Variants in SH3GL2 observed in about 807,000 individuals in gnomAD.
SH3GL2 encodes SH3 domain containing GRB2 like 2, endophilin A1.
A neutral mutation model predicts 46.0 loss-of-function variants in SH3GL2; 24 were observed. The observed-to-expected ratio is 0.52, with a 90% CI of 0.38 to 0.73. The LOEUF (loss-of-function observed/expected upper bound fraction) is 0.73, where lower values mean the gene tolerates loss of function less well. Ranked by LOEUF, SH3GL2 falls within the 30% of genes least tolerant of loss-of-function variation. SH3GL2 has a pLI of 0.00. For synonymous variants in SH3GL2, 196 were observed against 147.1 expected (o/e 1.33, Z -2.40); for missense variants, 413 against 424.2 (o/e 0.97, Z 0.23).
intron 1 of SH3GL2, among the ~76,000 whole-genome samples, chr9:17,656,285 TAATA>T (rs1233699049): frequency 6.6e-6 from 1 of 152,186 alleles, no homozygotes; most frequent in Non-Finnish European, 1.5e-5. Context: ...GAGGATGTTT[TAATA>T]TTCTTTAATA....
intron 5 of SH3GL2, among the ~76,000 whole-genome samples, chr9:17,788,819 G>A (rs977074464): frequency 2.0e-5 from 3 of 152,132 alleles, no homozygotes; most frequent in Non-Finnish European, 4.4e-5. Flanking sequence ...GTCAGCTGGG[G>A]CAAGTGTTAA....
At chr9:17,708,723 GA>G in intron 1 of SH3GL2, among the ~76,000 whole-genome samples, 1 of 151,914 alleles carries the variant, frequency 6.6e-6, no homozygotes, top group Non-Finnish European at 1.5e-5. Flanking sequence ...GTCCACTTCT[GA>G]GATTAGTTTA....
intron 1 of SH3GL2, among the ~76,000 whole-genome samples, chr9:17,643,215 T>G (rs1819728520): frequency 6.6e-6 from 1 of 152,190 alleles, no homozygotes; most frequent in Non-Finnish European, 1.5e-5. Context: ...ATAGGAAAGC[T>G]TGTGATTTTT....
intron 1 of SH3GL2, among the ~76,000 whole-genome samples, chr9:17,628,053 T>G (rs147532772): frequency 6.6e-6 from 1 of 152,174 alleles, no homozygotes; most frequent in Non-Finnish European, 1.5e-5. Context: ...TGATTTCTCT[T>G]TTTTGCAGTG....
chr9:17,717,353 A>C (rs554440340), intron 1 of SH3GL2, among the ~76,000 whole-genome samples: 1 of 152,184 alleles, frequency 6.6e-6, no homozygotes, highest in Admixed American at 6.5e-5. Flanking sequence ...GTCTTTTACT[A>C]ACCTCCATCC....
chr9:17,645,973 A>G (rs1425060619), intron 1 of SH3GL2, among the ~76,000 whole-genome samples: 1 of 152,078 alleles, frequency 6.6e-6, no homozygotes, highest in African/African-American at 2.4e-5. Flanking sequence ...ATGTCTTCCA[A>G]CTTGGTTCCG....
chr9:17,679,395 C>T (rs201822824), intron 1 of SH3GL2, among the ~76,000 whole-genome samples: 6 of 152,014 alleles, frequency 3.9e-5, no homozygotes, highest in Admixed American at 2.6e-4. Context: ...TTTGAAGCAA[C>T]TTTGAATGGG....
intron 1 of SH3GL2, among the ~76,000 whole-genome samples, chr9:17,661,187 A>G (rs1302810543): frequency 1.3e-5 from 2 of 152,020 alleles, no homozygotes; most frequent in African/African-American, 4.8e-5. Flanking sequence ...AAACAAAAAC[A>G]AAATTAATGT....
chr9:17,735,889 T>A, intron 1 of SH3GL2: 1 of 228,304 alleles, frequency 4.4e-6, no homozygotes, highest in Non-Finnish European at 7.3e-6. Flanking sequence ...GTTACATACT[T>A]ATACCCTGTG....
intron 3 of SH3GL2, among the ~76,000 whole-genome samples, chr9:17,771,484 C>T (rs1328448501): frequency 9.9e-5 from 15 of 152,080 alleles, no homozygotes; most frequent in African/African-American, 3.6e-4. Flanking sequence ...ACTGCAGGAC[C>T]CTTCTTACAA....
At chr9:17,780,344 C>T in intron 3 of SH3GL2, among the ~76,000 whole-genome samples, 1 of 151,862 alleles carries the variant, frequency 6.6e-6, no homozygotes, top group South Asian at 2.1e-4. Flanking sequence ...TCTATTTGTC[C>T]TACTTCTTTC....
chr9:17,684,320 T>G (rs1820848861), intron 1 of SH3GL2, among the ~76,000 whole-genome samples: 1 of 152,068 alleles, frequency 6.6e-6, no homozygotes, highest in Admixed American at 6.6e-5. Flanking sequence ...TGATACCTCC[T>G]TGGTAGAATT....
At chr9:17,639,683 C>T (rs1819627450) in intron 1 of SH3GL2, among the ~76,000 whole-genome samples, 1 of 152,104 alleles carries the variant, frequency 6.6e-6, no homozygotes, top group South Asian at 2.1e-4. Context: ...AGAACATGTT[C>T]ATACAGACTT....
intron 1 of SH3GL2, among the ~76,000 whole-genome samples, chr9:17,610,765 A>G (rs1818847363): frequency 6.6e-6 from 1 of 152,126 alleles, no homozygotes; most frequent in Non-Finnish European, 1.5e-5. Flanking sequence ...CTTCTCCTAT[A>G]AACTAGCTTG....
chr9:17,740,385 T>C (rs1200794260), intron 1 of SH3GL2, among the ~76,000 whole-genome samples: 1 of 152,114 alleles, frequency 6.6e-6, no homozygotes, highest in African/African-American at 2.4e-5. Flanking sequence ...ACAAGATCTA[T>C]GTATATTTAG....
intron 1 of SH3GL2, among the ~76,000 whole-genome samples, chr9:17,697,938 G>A (rs914617333): frequency 1.6e-4 from 24 of 152,310 alleles, no homozygotes; most frequent in African/African-American, 5.1e-4. Context: ...CTGGGAGCTA[G>A]AAAATGGGCT....
At chr9:17,747,029 G>C (rs754671237) in intron 1 of SH3GL2, 37 bp from the exon 2 acceptor site, 1 of 1,394,702 alleles carries the variant, frequency 7.2e-7, no homozygotes, top group African/African-American at 1.4e-5. Flanking sequence ...TAAAGAAACT[G>C]TTTATAATAA....
rs374023440 is a variant in SH3GL2 at position 17,670,964 on chromosome 9, A to T, written c.46-76102A>T. Among the ~76,000 whole-genome samples, 22 of 152,316 alleles carry T rather than the reference A, an allele frequency of 1.4e-4. No individual in the cohort carries two copies. The East Asian group carries it at 1.7e-3, about 12-fold the overall frequency. ...ATTTGCATTTCTGAAGCACCAGGTGATGCTGAGGCTGCTGGCCTGGGACCA... is the reference window on the plus strand; with the variant it reads ...ATTTGCATTTCTGAAGCACCAGGTGTTGCTGAGGCTGCTGGCCTGGGACCA... On this transcript the variant is annotated intron_variant, in intron 1 of 8. Transcript: ENST00000380607.
Position 17,579,117 on chromosome 9 carries a change from G to A in SH3GL2, c.-126G>A. The A allele has an allele frequency of 1.8e-6, 1 of 560,852 alleles. No homozygotes were observed. 34.7% of individuals were successfully genotyped at this position (560,852 alleles called of 1,614,324 possible). On this transcript the variant is annotated 5_prime_UTR_variant, in exon 1 of 9. Coordinates refer to ENST00000380607, the MANE Select transcript of SH3GL2 (RefSeq NM_003026.5). The stretch of plus-strand genomic sequence containing the variant: ...GTGTCCCGCTAGGCTCCGCGCCCTC[G>A]CGCCCATAGCCCCGGCGGCGGCACG...
Sources: gnomAD v4.1 joint callset for allele counts (sites outside exome capture counted in the v4.1 genomes callset) on GRCh38, gnomAD v4.1.1 for gene constraint, MANE v1.5 for transcripts, NCBI Gene and HGNC (gene_info 2026-07-23, HGNC 2026-07-21) for gene names.